The following ZNF608 variants were observed in gnomAD, a reference collection of about 807,000 sequenced individuals.
The protein encoded by ZNF608 is renal carcinoma antigen NY-REN-36.
Under a neutral mutation model 109.0 loss-of-function variants are expected in ZNF608, and 12 were observed. The ratio of observed to expected loss-of-function variants is 0.11; its 90% confidence interval spans 0.07 to 0.18. The LOEUF is 0.18. Ranked by LOEUF, ZNF608 falls within the 10% of genes least tolerant of loss-of-function variation. The pLI is 1.00. For synonymous variants in ZNF608, 732 were observed against 717.4 expected (o/e 1.02, Z -0.33); for missense variants, 1,707 against 1,879.3 (o/e 0.91, Z 1.70).
intron 3 of ZNF608, among the ~76,000 whole-genome samples, chr5:124,694,388 T>C (rs1251232776): frequency 6.6e-6 from 1 of 151,926 alleles, no homozygotes; most frequent in Non-Finnish European, 1.5e-5. Context: ...TTTTTTTTCA[T>C]CAATGTACTC....
intron 3 of ZNF608, among the ~76,000 whole-genome samples, chr5:124,673,481 TA>T (rs892623450): frequency 6.6e-6 from 1 of 151,984 alleles, no homozygotes; most frequent in Non-Finnish European, 1.5e-5. Flanking sequence ...TATTTCCTAG[TA>T]AAAAAAATGT....
intron 2 of ZNF608, among the ~76,000 whole-genome samples, chr5:124,726,657 T>C (rs556927023): frequency 9.8e-6 from 1 of 102,298 alleles, no homozygotes; most frequent in Non-Finnish European, 1.9e-5. Flanking sequence ...ACAGTAAGAT[T>C]TGTTTAAAAA....
chr5:124,731,642 A>G (rs1284754282), intron 2 of ZNF608, among the ~76,000 whole-genome samples: 2 of 151,798 alleles, frequency 1.3e-5, no homozygotes, highest in African/African-American at 4.8e-5. Flanking sequence ...CCTGGCCAAC[A>G]TGGTGAAACC....
chr5:124,723,326 C>A (rs923475089), intron 2 of ZNF608, among the ~76,000 whole-genome samples: 2 of 152,128 alleles, frequency 1.3e-5, no homozygotes, highest in African/African-American at 4.8e-5. Context: ...ATTTATAATT[C>A]ATTGCCTTTT....
chr5:124,745,181 G>T lies in ZNF608; in HGVS notation c.-183-9C>A, dbSNP rs569802734. On this transcript the variant is annotated splice_polypyrimidine_tract_variant and intron_variant, in intron 1 of 9. Transcript: ENST00000513986. ...TCCAGGTCCACCTTTTCCTGTGAAG[G>T]GGGGGGGAAAAGTCGAATATTTCTT... The T allele has an allele frequency of 3.0e-3, 3,985 of 1,329,254 alleles. 10 individuals are homozygous for T. The highest frequency in any genetic ancestry group is 3.5e-3 in the Non-Finnish European group (3,675 of 1,048,736). The allele number at this position is 1,329,254 out of a possible 1,614,324, so 82.3% of individuals were successfully genotyped here.
At chr5:124,668,206 A>ATATATATTATATATATATATATTT (rs1751563927) in intron 3 of ZNF608, among the ~76,000 whole-genome samples, 1 of 144,030 alleles carries the variant, frequency 6.9e-6, no homozygotes, top group African/African-American at 2.6e-5. Context: ...ATATATATAT[A>ATATATATTATATATATATATATTT]TATATATATA....
rs192322341 is a variant in ZNF608, at chr5:124,652,538, A to G, written c.1163-2841T>C. Among the ~76,000 whole-genome samples, 217 of 152,354 alleles carry G rather than the reference A, an allele frequency of 1.4e-3. 1 individual carries two copies. The highest frequency in any genetic ancestry group is 3.3e-3 in the Admixed American group (50 of 15,308). On this transcript the variant is annotated intron_variant, in intron 3 of 9. Coordinates refer to ENST00000513986, the MANE Select transcript of ZNF608 (RefSeq NM_020747.3). Reference sequence around the variant, plus strand: ...ATCTGCCCACAATTCACATCCGAATATATACAGGCACATGTTTACACAGCC... The same window carrying G: ...ATCTGCCCACAATTCACATCCGAATGTATACAGGCACATGTTTACACAGCC...
At position 124,647,642 on chromosome 5, in the gene ZNF608, T is replaced by C. The variant is rs764581583; in HGVS notation, c.2742A>G (p.Ala914=). 6.2e-7 allele frequency: 1 copy of C among 1,614,212 alleles called. No homozygotes were observed. The highest frequency in any genetic ancestry group is 8.5e-7 in the Non-Finnish European group (1 of 1,180,042). Residue 914 remains alanine (A), a synonymous_variant, in exon 5 of 10, where the codon GCA becomes GCG. Coordinates refer to ENST00000513986, the MANE Select transcript of ZNF608 (RefSeq NM_020747.3). ...LECSTLVNGQ[A]PMAPLHVLTQ... is the part of the protein sequence containing the mutation. The stretch of plus-strand genomic sequence containing the variant: ...TCAACACATGCAGAGGTGCCATTGG[T>C]GCCTGCCCGTTCACCAAAGTGCTGC...
intron 3 of ZNF608, among the ~76,000 whole-genome samples, chr5:124,671,682 G>A (rs899198736): frequency 1.4e-5 from 2 of 146,426 alleles, no homozygotes; most frequent in African/African-American, 5.2e-5. Flanking sequence ...TCACCCCAGA[G>A]TGCAGTGGCA....
At chr5:124,716,110 T>A (rs1753687845) in intron 2 of ZNF608, among the ~76,000 whole-genome samples, 1 of 126,034 alleles carries the variant, frequency 7.9e-6, no homozygotes, top group African/African-American at 3.1e-5. Context: ...GCCACTGCAC[T>A]CCAGCCTGGG....
intron 2 of ZNF608, among the ~76,000 whole-genome samples, chr5:124,742,887 A>G (rs1426902426): frequency 1.3e-5 from 2 of 152,210 alleles, no homozygotes; most frequent in East Asian, 1.9e-4. Flanking sequence ...AAAAATCAAA[A>G]TTATTTAATA....
intron 5 of ZNF608, among the ~76,000 whole-genome samples, chr5:124,645,233 T>C (rs1750442296): frequency 6.6e-6 from 1 of 152,232 alleles, no homozygotes. Flanking sequence ...TCATTACGTG[T>C]TAACATCTTA....
intron 3 of ZNF608, among the ~76,000 whole-genome samples, chr5:124,678,735 G>A (rs973448245): frequency 2.0e-5 from 3 of 152,162 alleles, no homozygotes; most frequent in Non-Finnish European, 4.4e-5. Context: ...TGAGCCAAAA[G>A]CTTTCCCTCT....
At chr5:124,651,324 G>C (rs192844420) in intron 3 of ZNF608, among the ~76,000 whole-genome samples, 1 of 152,336 alleles carries the variant, frequency 6.6e-6, no homozygotes, top group Non-Finnish European at 1.5e-5. Context: ...GGAAAGGGGA[G>C]GGGGTGGGAG....
At position 124,643,464 on chromosome 5, in the gene ZNF608, T is replaced by C. The variant is rs369314652; in HGVS notation, c.4296+47A>G. On this transcript the variant is annotated intron_variant, in intron 7 of 9. Coordinates refer to ENST00000513986, the MANE Select transcript of ZNF608 (RefSeq NM_020747.3). ...GACTGTTCTCTAGCTTGTTCCCCTTTCTCCCCAAATCACAGTACTTTTAAA... is the reference window on the plus strand; with the variant it reads ...GACTGTTCTCTAGCTTGTTCCCCTTCCTCCCCAAATCACAGTACTTTTAAA... 1.9e-6 allele frequency: 3 copies of C among 1,581,638 alleles called. No individual in the cohort carries two copies. In the African/African-American group the frequency reaches 4.0e-5, roughly 21 times the overall value.
chr5:124,704,618 A>C (rs1753185484), intron 2 of ZNF608, among the ~76,000 whole-genome samples: 1 of 152,176 alleles, frequency 6.6e-6, no homozygotes, highest in African/African-American at 2.4e-5. Flanking sequence ...AAATTAGGAA[A>C]GAATTTAAAT....
intron 3 of ZNF608, among the ~76,000 whole-genome samples, chr5:124,697,311 G>A (rs1387187076): frequency 6.7e-6 from 1 of 149,620 alleles, no homozygotes; most frequent in African/African-American, 2.5e-5. Context: ...GCCAAGTTCA[G>A]CACATATGTA....
At chr5:124,736,664 C>G (rs1175834138) in intron 2 of ZNF608, among the ~76,000 whole-genome samples, 1 of 152,138 alleles carries the variant, frequency 6.6e-6, no homozygotes, top group Non-Finnish European at 1.5e-5. Flanking sequence ...TTTGAACCTT[C>G]AGTGACTAAT....
chr5:124,680,787 G>T (rs1257760687), intron 3 of ZNF608, among the ~76,000 whole-genome samples: 1 of 152,162 alleles, frequency 6.6e-6, no homozygotes, highest in Non-Finnish European at 1.5e-5. Flanking sequence ...TCAGAGAAAT[G>T]AGGAGATGCT....
Sources: allele counts gnomAD v4.1 joint callset (sites outside exome capture counted in the v4.1 genomes callset), GRCh38; gene constraint gnomAD v4.1.1; transcripts MANE v1.5; gene names NCBI Gene and HGNC (gene_info 2026-07-23, HGNC 2026-07-21).